Variants in ROR1 observed in about 807,000 individuals in gnomAD.
ROR1 encodes ROR family WNT receptor 1.
A neutral mutation model predicts 78.8 loss-of-function variants in ROR1; 19 were observed. That is an observed-to-expected ratio of 0.24 (90% CI 0.17 to 0.35). ROR1 has a LOEUF of 0.35. ROR1 is among the 10% of genes least tolerant of loss of function. ROR1 has a pLI of 1.00. For missense variants in ROR1, 917 were observed against 1,177.8 expected, an observed-to-expected ratio of 0.78 and a Z score of 3.24; for synonymous variants, 386 against 433.6, an observed-to-expected ratio of 0.89 and a Z score of 1.36.
At chr1:63,985,636 T>C (rs1646244448) in intron 1 of ROR1, among the ~76,000 whole-genome samples, 1 of 151,844 alleles carries the variant, frequency 6.6e-6, no homozygotes, top group Non-Finnish European at 1.5e-5. Flanking sequence ...ATCCCAGCAC[T>C]TTGGGAGGCT....
intron 4 of ROR1, among the ~76,000 whole-genome samples, chr1:64,065,274 T>C (rs992934357): frequency 2.6e-5 from 4 of 152,208 alleles, no homozygotes; most frequent in Non-Finnish European, 5.9e-5. Context: ...TTTGAGCCCA[T>C]GCAGGTGGAC....
At chr1:63,890,431 A>G (rs1233229917) in intron 1 of ROR1, among the ~76,000 whole-genome samples, 1 of 150,362 alleles carries the variant, frequency 6.7e-6, no homozygotes, top group African/African-American at 2.5e-5. Flanking sequence ...ATAAAATTCC[A>G]TACTAGATAT....
chr1:64,058,869 C>A (rs1342910769), intron 4 of ROR1, among the ~76,000 whole-genome samples: 1 of 151,972 alleles, frequency 6.6e-6, no homozygotes, highest in Admixed American at 6.6e-5. Flanking sequence ...GGAAGTATTC[C>A]TTTTTCTTCC....
chr1:63,896,201 G>A (rs1645438256), intron 1 of ROR1, among the ~76,000 whole-genome samples: 1 of 152,008 alleles, frequency 6.6e-6, no homozygotes, highest in Admixed American at 6.6e-5. Context: ...AAAAAATAAG[G>A]ATATTTTGTT....
At chr1:63,952,238 T>A (rs1421940146) in intron 1 of ROR1, among the ~76,000 whole-genome samples, 1 of 152,028 alleles carries the variant, frequency 6.6e-6, no homozygotes, top group Non-Finnish European at 1.5e-5. Flanking sequence ...GGAAGAATAC[T>A]CCAGGTGGTG....
intron 4 of ROR1, among the ~76,000 whole-genome samples, chr1:64,097,848 A>G (rs1647358239): frequency 6.6e-6 from 1 of 152,074 alleles, no homozygotes; most frequent in Non-Finnish European, 1.5e-5. Flanking sequence ...GTGGTGGACA[A>G]TTTGAGAATT....
intron 8 of ROR1, among the ~76,000 whole-genome samples, chr1:64,168,668 G>T (rs1650154114): frequency 6.6e-6 from 1 of 152,240 alleles, no homozygotes; most frequent in Non-Finnish European, 1.5e-5. Context: ...AAGTAGTCAT[G>T]TAGTATATAA....
intron 1 of ROR1, among the ~76,000 whole-genome samples, chr1:63,969,106 G>A (rs1646098703): frequency 6.6e-6 from 1 of 152,072 alleles, no homozygotes; most frequent in African/African-American, 2.4e-5. Flanking sequence ...GCCAGTTTCT[G>A]ATTGTGTGAC....
chr1:63,924,055 T>C (rs1228791717), intron 1 of ROR1, among the ~76,000 whole-genome samples: 1 of 152,194 alleles, frequency 6.6e-6, no homozygotes, highest in East Asian at 1.9e-4. Context: ...CAACCTCTGG[T>C]ATCTGGTTAA....
chr1:64,164,484 G>T (rs995037944), intron 8 of ROR1, among the ~76,000 whole-genome samples: 1 of 152,206 alleles, frequency 6.6e-6, no homozygotes, highest in Non-Finnish European at 1.5e-5. Context: ...GCAAGGATAA[G>T]AATAGTACTT....
intron 1 of ROR1, among the ~76,000 whole-genome samples, chr1:63,810,486 G>A (rs939081244): frequency 2.6e-5 from 4 of 152,196 alleles, no homozygotes; most frequent in African/African-American, 4.8e-5. Flanking sequence ...CTAGGCAGGA[G>A]GGGGAAACAC....
At chr1:63,793,417 T>G (rs1644738620) in intron 1 of ROR1, among the ~76,000 whole-genome samples, 1 of 152,242 alleles carries the variant, frequency 6.6e-6, no homozygotes, top group Non-Finnish European at 1.5e-5. Flanking sequence ...TAGCATAACA[T>G]TATGGCTATC....
Position 63,786,740 on chromosome 1 carries a change from G to A in ROR1, c.91+12232G>A, listed in dbSNP as rs1392619894. Among the ~76,000 whole-genome samples the A allele has an allele frequency of 2.0e-5, 3 of 152,178 alleles. No homozygotes were observed. In the East Asian group the frequency reaches 5.8e-4, roughly 30 times the overall value. On this transcript the variant is annotated intron_variant, in intron 1 of 8. Transcript: ENST00000371079. Reference sequence around the variant, plus strand: ...TAGCCATCCCAGGATGTGGGTGAAAGTGGCTTCCCCCAGACTCATCAAATA... The same window carrying A: ...TAGCCATCCCAGGATGTGGGTGAAAATGGCTTCCCCCAGACTCATCAAATA...
At chr1:63,800,102 A>T (rs1644786466) in intron 1 of ROR1, among the ~76,000 whole-genome samples, 1 of 152,170 alleles carries the variant, frequency 6.6e-6, no homozygotes, top group African/African-American at 2.4e-5. Context: ...AAAGATGGGG[A>T]TGCTTCATAG....
At chr1:64,051,352 A>G (rs984820886) in intron 4 of ROR1, among the ~76,000 whole-genome samples, 2 of 151,768 alleles carry the variant, frequency 1.3e-5, no homozygotes, top group African/African-American at 4.8e-5. Flanking sequence ...CGGGAGGCTG[A>G]GGCAGGAGAA....
intron 1 of ROR1, among the ~76,000 whole-genome samples, chr1:63,893,358 C>G (rs1257729858): frequency 6.6e-6 from 1 of 152,038 alleles, no homozygotes; most frequent in Non-Finnish European, 1.5e-5. Flanking sequence ...GAGCAGCAGC[C>G]ATGAGAAAAC....
At chr1:63,920,109 T>C (rs917997896) in intron 1 of ROR1, among the ~76,000 whole-genome samples, 1 of 152,196 alleles carries the variant, frequency 6.6e-6, no homozygotes, top group African/African-American at 2.4e-5. Context: ...AACCCATAAA[T>C]GCCAAGACCC....
intron 1 of ROR1, among the ~76,000 whole-genome samples, chr1:63,937,748 A>G (rs1006845818): frequency 6.6e-6 from 1 of 152,220 alleles, no homozygotes; most frequent in African/African-American, 2.4e-5. Flanking sequence ...GAAATATGTC[A>G]TAGAGGAAGT....
chr1:63,860,604 C>CACACACAT (rs1491161419), intron 1 of ROR1, among the ~76,000 whole-genome samples: 1 of 146,984 alleles, frequency 6.8e-6, no homozygotes, highest in Non-Finnish European at 1.5e-5. Flanking sequence ...CACACACACA[C>CACACACAT]ATACACACAC....
Sources: gnomAD v4.1 joint callset for allele counts (sites outside exome capture counted in the v4.1 genomes callset) on GRCh38, gnomAD v4.1.1 for gene constraint, MANE v1.5 for transcripts, NCBI Gene and HGNC (gene_info 2026-07-23, HGNC 2026-07-21) for gene names.